Variants in CEP15 observed in about 807,000 individuals in gnomAD.
CEP15 encodes centrosomal protein 15 kDa.
chr3:62,326,740 A>T, the CEP15 span, among the ~76,000 whole-genome samples: 19 of 152,314 alleles, frequency 1.2e-4, no homozygotes, highest in Non-Finnish European at 2.1e-4. Context: ...AAACATGGCC[A>T]ATCTTGCTTC....
chr3:62,319,033 G>A, the CEP15 span: 7 of 152,262 alleles, frequency 4.6e-5, no homozygotes, highest in Non-Finnish European at 8.8e-5. Context: ...GTGCCTTCCC[G>A]GAAGGGCTCA....
the CEP15 span, among the ~76,000 whole-genome samples, chr3:62,332,178 T>TA: frequency 6.6e-6 from 1 of 152,090 alleles, no homozygotes; most frequent in Non-Finnish European, 1.5e-5. Flanking sequence ...CTCTGGCATA[T>TA]ACAGGACCCA....
At chr3:62,332,673 G>C in the CEP15 span, among the ~76,000 whole-genome samples, 2 of 151,932 alleles carry the variant, frequency 1.3e-5, no homozygotes, top group Non-Finnish European at 2.9e-5. Flanking sequence ...AAATTATATT[G>C]ACATTTTGTC....
At chr3:62,333,211 C>G in the CEP15 span, 3 of 1,596,428 alleles carry the variant, frequency 1.9e-6, no homozygotes, top group Non-Finnish European at 2.6e-6. This position sits in a 1 kb window ranked among gnomAD's most constrained non-coding sequence, Gnocchi z 4.0. Flanking sequence ...GAGCCAAGTT[C>G]AATTGCTTGA....
the CEP15 span, chr3:62,333,722 G>T: frequency 6.1e-6 from 1 of 164,910 alleles, no homozygotes; most frequent in Non-Finnish European, 1.3e-5. This position sits in a 1 kb window ranked among gnomAD's most constrained non-coding sequence, Gnocchi z 4.0. Flanking sequence ...CAGGTATCTT[G>T]GTTCTGGTTT....
the CEP15 span, chr3:62,322,004 A>AG: frequency 1.2e-6 from 2 of 1,609,184 alleles, no homozygotes; most frequent in Non-Finnish European, 1.7e-6. This position sits in a 1 kb window ranked among gnomAD's most constrained non-coding sequence, Gnocchi z 5.5. Context: ...AAGGCATCTC[A>AG]ACTCCAAACT....
At chr3:62,327,880 G>T in the CEP15 span, among the ~76,000 whole-genome samples, 1 of 152,158 alleles carries the variant, frequency 6.6e-6, no homozygotes, top group African/African-American at 2.4e-5. Context: ...TCGATCCCTT[G>T]CAATTTTTGT....
chr3:62,335,649 T>A, the CEP15 span: 1 of 152,152 alleles, frequency 6.6e-6, no homozygotes, highest in Non-Finnish European at 1.5e-5. Context: ...AAATGTCATC[T>A]ATTCATACCT....
At chr3:62,320,777 C>A in the CEP15 span, among the ~76,000 whole-genome samples, 6 of 152,260 alleles carry the variant, frequency 3.9e-5, no homozygotes, top group South Asian at 1.2e-3. Flanking sequence ...TTTCTAGGCT[C>A]CACATTGGCA....
At chr3:62,333,308 T>C in the CEP15 span, 1 of 1,611,714 alleles carries the variant, frequency 6.2e-7, no homozygotes, top group East Asian at 2.2e-5. This position sits in a 1 kb window ranked among gnomAD's most constrained non-coding sequence, Gnocchi z 4.0. Context: ...AACAGTTTCT[T>C]TTAGGAAGAG....
At chr3:62,331,395 T>A in the CEP15 span, 1 of 1,612,088 alleles carries the variant, frequency 6.2e-7, no homozygotes, top group Admixed American at 1.7e-5. Flanking sequence ...GTGGTTTCTC[T>A]TGAGGTGAGC....
chr3:62,322,773 A>T, the CEP15 span, among the ~76,000 whole-genome samples: 1 of 152,224 alleles, frequency 6.6e-6, no homozygotes, highest in African/African-American at 2.4e-5. This position sits in a 1 kb window ranked among gnomAD's most constrained non-coding sequence, Gnocchi z 5.5. Context: ...TAAGTTATAA[A>T]GCAGTGTTTT....
the CEP15 span, chr3:62,333,301 AGT>A: frequency 6.2e-7 from 1 of 1,611,598 alleles, no homozygotes; most frequent in Non-Finnish European, 8.5e-7. The surrounding 1 kb of genome is among the most constrained non-coding windows in gnomAD (Gnocchi z 4.0). Flanking sequence ...AAATGGGAAC[AGT>A]TTCTTTTAGG....
chr3:62,322,692 T>C, the CEP15 span, among the ~76,000 whole-genome samples: 1 of 152,222 alleles, frequency 6.6e-6, no homozygotes, highest in Non-Finnish European at 1.5e-5. This position sits in a 1 kb window ranked among gnomAD's most constrained non-coding sequence, Gnocchi z 5.5. Context: ...ATTAAAACCC[T>C]AAAGTTTGCT....
At chr3:62,322,010 A>G in the CEP15 span, 1 of 1,610,546 alleles carries the variant, frequency 6.2e-7, no homozygotes, top group Non-Finnish European at 8.5e-7. The surrounding 1 kb of genome is among the most constrained non-coding windows in gnomAD (Gnocchi z 5.5). Context: ...TCTCAACTCC[A>G]AACTGTTGAG....
the CEP15 span, chr3:62,319,212 A>T: frequency 6.5e-6 from 1 of 152,740 alleles, no homozygotes; most frequent in East Asian, 1.9e-4. Flanking sequence ...GGGCGGCCGG[A>T]GGGCAGATGA....
At chr3:62,333,769 C>G in the CEP15 span, 1 of 159,380 alleles carries the variant, frequency 6.3e-6, no homozygotes, top group Non-Finnish European at 1.3e-5. The surrounding 1 kb of genome is among the most constrained non-coding windows in gnomAD (Gnocchi z 4.0). Context: ...TTTTTAGGGA[C>G]AAGGTATAGG....
the CEP15 span, among the ~76,000 whole-genome samples, chr3:62,330,731 G>C: frequency 6.6e-6 from 1 of 152,032 alleles, no homozygotes; most frequent in African/African-American, 2.4e-5. Context: ...AAAAAATCTA[G>C]ACAGTATAAT....
the CEP15 span, among the ~76,000 whole-genome samples, chr3:62,324,428 G>T: frequency 6.6e-6 from 1 of 152,138 alleles, no homozygotes; most frequent in South Asian, 2.1e-4. Flanking sequence ...AATAAGACTT[G>T]ATTGCAGAAT....
Sources: allele counts gnomAD v4.1 joint callset (sites outside exome capture counted in the v4.1 genomes callset), GRCh38; gene constraint gnomAD v4.1.1; non-coding constraint Gnocchi (gnomAD v3.1); transcripts MANE v1.5; gene names NCBI Gene and HGNC (gene_info 2026-07-23, HGNC 2026-07-21).